CAMTA1: variants seen among roughly 807,000 people sequenced by gnomAD.
The protein encoded by CAMTA1 is calmodulin-binding transcription activator 1.
In CAMTA1, 27 loss-of-function variants were observed where a neutral mutation model predicts 170.9. The ratio of observed to expected loss-of-function variants is 0.16; its 90% confidence interval spans 0.12 to 0.22. CAMTA1 has a LOEUF of 0.22. Ranked by LOEUF, CAMTA1 falls within the 10% of genes least tolerant of loss-of-function variation. The pLI is 1.00. For synonymous variants in CAMTA1, 833 were observed against 891.5 expected (o/e 0.93, Z 1.17); for missense variants, 1,619 against 2,217.2 (o/e 0.73, Z 5.42).
At chr1:7,076,851 T>C (rs931146074) in intron 3 of CAMTA1, among the ~76,000 whole-genome samples, 1 of 152,184 alleles carries the variant, frequency 6.6e-6, no homozygotes, top group Non-Finnish European at 1.5e-5. Flanking sequence ...GGTAGAACAA[T>C]TACCTCTGTA....
rs114827398 is a variant in CAMTA1, at chr1:6,800,672, G to A, written c.45+15097G>A. On this transcript the variant is annotated intron_variant, in intron 1 of 22. Coordinates refer to ENST00000303635, the MANE Select transcript of CAMTA1 (RefSeq NM_015215.4). ...AATATAACTGTTATTAAAATCTATCGATTCCCAGTAATTCAGTAAATGAAG... is the reference window on the plus strand; with the variant it reads ...AATATAACTGTTATTAAAATCTATCAATTCCCAGTAATTCAGTAAATGAAG... Among the ~76,000 whole-genome samples, 741 of 152,100 alleles carry A rather than the reference G, an allele frequency of 4.9e-3. 5 individuals carry two copies. The highest frequency in any genetic ancestry group is 0.017 in the African/African-American group (687 of 41,488).
chr1:7,603,899 G>A (rs1480570181), intron 6 of CAMTA1, among the ~76,000 whole-genome samples: 32 of 152,146 alleles, frequency 2.1e-4, no homozygotes, highest in South Asian at 4.2e-4. Context: ...ATCTCTCAGC[G>A]TTTGCTTGTC....
chr1:7,098,476 C>G (rs112345660), intron 4 of CAMTA1, among the ~76,000 whole-genome samples: 17 of 152,310 alleles, frequency 1.1e-4, no homozygotes, highest in South Asian at 8.3e-4. Flanking sequence ...GCCTCCTGCC[C>G]GAGGACTTCC....
chr1:7,059,439 G>A (rs1017389512), intron 3 of CAMTA1, among the ~76,000 whole-genome samples: 6 of 151,916 alleles, frequency 3.9e-5, no homozygotes, highest in African/African-American at 9.7e-5. Context: ...ACGATATACC[G>A]GGACCCCATC....
At position 7,768,946 on chromosome 1, in the gene CAMTA1, A is replaced by G. The variant is rs2097039801; in HGVS notation, c.*2455A>G. On this transcript the variant is annotated 3_prime_UTR_variant, in exon 23 of 23. Coordinates refer to ENST00000303635, the MANE Select transcript of CAMTA1 (RefSeq NM_015215.4). Reference sequence around the variant, plus strand: ...ATCTTTATTCCATTTATTATGGTACAAATAACTGATGTTTTAACCAGAGTA... The same window carrying G: ...ATCTTTATTCCATTTATTATGGTACGAATAACTGATGTTTTAACCAGAGTA... 1.3e-5 allele frequency: 2 copies of G among 152,492 alleles called. No homozygotes were observed. Among genetic ancestry groups the G allele is most frequent in the South Asian group, 4.1e-4 (2 of 4,834 alleles). 9.4% of individuals were successfully genotyped at this position (152,492 alleles called of 1,614,324 possible).
chr1:6,915,761 C>T (rs1680646396), intron 3 of CAMTA1, among the ~76,000 whole-genome samples: 1 of 152,198 alleles, frequency 6.6e-6, no homozygotes, highest in Admixed American at 6.5e-5. Context: ...CAGTAGCATT[C>T]ATGGTCTCTA....
intron 7 of CAMTA1, among the ~76,000 whole-genome samples, chr1:7,658,810 C>T (rs920610538): frequency 4.3e-4 from 65 of 152,304 alleles, no homozygotes; most frequent in African/African-American, 1.4e-3. Flanking sequence ...GCCCCTGACC[C>T]GGGCCTTCCC....
At chr1:7,620,113 G>C (rs559762026) in intron 6 of CAMTA1, among the ~76,000 whole-genome samples, 7 of 152,290 alleles carry the variant, frequency 4.6e-5, no homozygotes, top group Non-Finnish European at 1.0e-4. Flanking sequence ...CTGGAGTCTT[G>C]AAAGTTGAAC....
intron 4 of CAMTA1, among the ~76,000 whole-genome samples, chr1:7,215,650 C>G (rs1659624470): frequency 6.6e-6 from 1 of 152,170 alleles, no homozygotes; most frequent in Non-Finnish European, 1.5e-5. Flanking sequence ...CACCTTGGCC[C>G]CCCAAAGTGC....
chr1:7,334,014 C>A (rs1200290631), intron 5 of CAMTA1, among the ~76,000 whole-genome samples: 1 of 152,100 alleles, frequency 6.6e-6, no homozygotes, highest in Non-Finnish European at 1.5e-5. Context: ...CGTAGCCAGG[C>A]AAGTGGGAAG....
chr1:6,997,660 C>CTTT (rs111887834), intron 3 of CAMTA1, among the ~76,000 whole-genome samples: 8 of 127,636 alleles, frequency 6.3e-5, no homozygotes, highest in African/African-American at 9.0e-5. Context: ...TCTTTTCTTT[C>CTTT]TTTTTTTTTT....
chr1:7,116,359 G>GGT, intron 4 of CAMTA1, among the ~76,000 whole-genome samples: 1 of 152,304 alleles, frequency 6.6e-6, no homozygotes, highest in Non-Finnish European at 1.5e-5. Context: ...GGCAGGGCAA[G>GGT]GTTTTCTTGG....
In CAMTA1 at chr1:6,970,588, A is replaced by G. The variant is rs1450705319; in HGVS notation, c.235-120716A>G. The stretch of plus-strand genomic sequence containing the variant: ...CACCTGAGGCCTGAAGGATACCGTG[A>G]GTCTGAAGACTCCACAGAACTGATG... On this transcript the variant is annotated intron_variant, in intron 3 of 22. Coordinates refer to ENST00000303635, the MANE Select transcript of CAMTA1 (RefSeq NM_015215.4). The surrounding 1 kb of genome is among the most constrained non-coding windows in gnomAD (Gnocchi z 4.4). 6.6e-6 allele frequency among the ~76,000 whole-genome samples: 1 copy of G among 152,180 alleles called. No homozygotes were observed. The highest frequency in any genetic ancestry group is 1.5e-5 in the Non-Finnish European group (1 of 68,026).
chr1:7,012,855 C>A (rs1322705136), intron 3 of CAMTA1, among the ~76,000 whole-genome samples: 1 of 152,190 alleles, frequency 6.6e-6, no homozygotes, highest in East Asian at 1.9e-4. Context: ...TGCCTGCGGG[C>A]TGGACTTCCC....
chr1:6,948,185 C>T (rs1305147935), intron 3 of CAMTA1, among the ~76,000 whole-genome samples: 1 of 152,182 alleles, frequency 6.6e-6, no homozygotes, highest in Admixed American at 6.5e-5. Flanking sequence ...GGGTGTGTTA[C>T]AGCCGAAGAG....
chr1:7,566,365 C>T (rs570414047), intron 6 of CAMTA1, among the ~76,000 whole-genome samples: 1 of 152,126 alleles, frequency 6.6e-6, no homozygotes, highest in African/African-American at 2.4e-5. Flanking sequence ...GGAGATAGGC[C>T]TAGTGTAAAT....
chr1:7,699,024 GTCTT>G (rs1208417064), intron 11 of CAMTA1, among the ~76,000 whole-genome samples: 2 of 152,176 alleles, frequency 1.3e-5, no homozygotes, highest in African/African-American at 4.8e-5. Context: ...CCGTCGGTCA[GTCTT>G]CTTTTCTCAA....
chr1:7,414,811 T>C (rs2091044850), intron 5 of CAMTA1, among the ~76,000 whole-genome samples: 1 of 151,958 alleles, frequency 6.6e-6, no homozygotes, highest in South Asian at 2.1e-4. Context: ...CTTTTGAATG[T>C]GTTTGTTCTT....
In CAMTA1 at chr1:7,144,641, G is replaced by A. The variant is rs1646080482; in HGVS notation, c.302+53270G>A. ...CTTGTTTATACAGATATTAGGACTT[G>A]CAATTGTCAGGTCACACCACTCAGA... is the stretch of plus-strand genomic sequence containing the variant. On this transcript the variant is annotated intron_variant, in intron 4 of 22. Transcript: ENST00000303635. The surrounding 1 kb of genome is among the most constrained non-coding windows in gnomAD (Gnocchi z 4.0). Among the ~76,000 whole-genome samples, 2 of 152,164 alleles carry A rather than the reference G, an allele frequency of 1.3e-5. No individual in the cohort carries two copies. The highest frequency in any genetic ancestry group is 4.8e-5 in the African/African-American group (2 of 41,428).
Sources: gnomAD v4.1 joint callset for allele counts (sites outside exome capture counted in the v4.1 genomes callset) on GRCh38, gnomAD v4.1.1 for gene constraint, Gnocchi (gnomAD v3.1) non-coding constraint, MANE v1.5 for transcripts, NCBI Gene and HGNC (gene_info 2026-07-23, HGNC 2026-07-21) for gene names.